PKIG: variants seen among roughly 807,000 people sequenced by gnomAD.
PKIG encodes the protein protein kinase (cAMP-dependent, catalytic) inhibitor gamma.
Under a neutral mutation model 6.8 loss-of-function variants are expected in PKIG, and 1 was observed. That is an observed-to-expected ratio of 0.15 (90% CI 0.05 to 0.69). PKIG has a LOEUF of 0.69. PKIG is among the 30% of genes least tolerant of loss of function. The pLI is 0.82. For missense variants in PKIG, 77 were observed against 104.0 expected (o/e 0.74, Z 1.13); for synonymous variants, 39 against 43.0 (o/e 0.91, Z 0.36).
At chr20:44,613,989 CCT>C (rs1402656987) in intron 2 of PKIG, among the ~76,000 whole-genome samples, 8 of 152,164 alleles carry the variant, frequency 5.3e-5, no homozygotes. Flanking sequence ...ATGCTGTTCC[CCT>C]CTCTGTAGTG....
intron 1 of PKIG, among the ~76,000 whole-genome samples, chr20:44,566,809 G>T (rs1046751121): frequency 6.6e-6 from 1 of 152,132 alleles, no homozygotes; most frequent in African/African-American, 2.4e-5. Flanking sequence ...TTGTACTACT[G>T]TACTTCAGCC....
chr20:44,547,288 T>C (rs752880684), intron 1 of PKIG, among the ~76,000 whole-genome samples: 1 of 152,220 alleles, frequency 6.6e-6, no homozygotes, highest in Non-Finnish European at 1.5e-5. Context: ...ATTTCAAATA[T>C]AAGCAAAAGT....
chr20:44,552,847 T>C (rs550502750), intron 1 of PKIG, among the ~76,000 whole-genome samples: 1 of 152,230 alleles, frequency 6.6e-6, no homozygotes, highest in Admixed American at 6.5e-5. Flanking sequence ...TAATTGTCTT[T>C]AGGGAAATGC....
At chr20:44,552,744 C>T (rs548156142) in intron 1 of PKIG, among the ~76,000 whole-genome samples, 10 of 152,184 alleles carry the variant, frequency 6.6e-5, no homozygotes, top group African/African-American at 2.4e-4. Flanking sequence ...GTTATTGGCA[C>T]GTAGTAGGTG....
chr20:44,600,065 A>G (rs1348551371), intron 2 of PKIG, among the ~76,000 whole-genome samples: 2 of 152,192 alleles, frequency 1.3e-5, no homozygotes, highest in Non-Finnish European at 2.9e-5. Context: ...GAATCCATTT[A>G]TCCACTTAGG....
intron 1 of PKIG, among the ~76,000 whole-genome samples, 187 bp from the exon 2 acceptor site, chr20:44,589,610 A>G (rs567448622): frequency 2.0e-5 from 3 of 152,332 alleles, no homozygotes; most frequent in South Asian, 4.1e-4. Flanking sequence ...TTAGGTAAAT[A>G]TATCTGTAGT....
At chr20:44,565,685 T>C (rs1042188831) in intron 1 of PKIG, among the ~76,000 whole-genome samples, 4 of 152,336 alleles carry the variant, frequency 2.6e-5, no homozygotes, top group African/African-American at 4.8e-5. Flanking sequence ...TGCCCTTCAT[T>C]GGTCTATAGC....
chr20:44,611,246 G>C (rs2065216185), intron 2 of PKIG, among the ~76,000 whole-genome samples: 1 of 151,974 alleles, frequency 6.6e-6, no homozygotes, highest in East Asian at 1.9e-4. Context: ...TAGAGGCGAC[G>C]TTTCACGATG....
At chr20:44,532,035 AC>A (rs1434247497) in intron 1 of PKIG, 1 of 152,168 alleles carries the variant, frequency 6.6e-6, no homozygotes, top group Non-Finnish European at 1.5e-5. Context: ...TGGCGTCGAC[AC>A]GTCGCAGGGG....
At chr20:44,598,593 C>A (rs2065094112) in intron 2 of PKIG, 1 of 152,296 alleles carries the variant, frequency 6.6e-6, no homozygotes, top group Middle Eastern at 3.4e-3. Context: ...TCTCACTTTC[C>A]CTTCCTTCCT....
chr20:44,617,313 GT>G (rs1188249966), intron 3 of PKIG, among the ~76,000 whole-genome samples: 1 of 152,126 alleles, frequency 6.6e-6, no homozygotes, highest in African/African-American at 2.4e-5. Context: ...TGTCACTGGG[GT>G]TTAAGAATGT....
chr20:44,562,796 C>T (rs539157198), intron 1 of PKIG, among the ~76,000 whole-genome samples: 8 of 152,144 alleles, frequency 5.3e-5, no homozygotes, highest in South Asian at 4.2e-4. Context: ...TGGTGGCTCA[C>T]GCCTGTAATC....
chr20:44,578,907 C>T (rs183929449), upstream of PKIG, among the ~76,000 whole-genome samples: 1 of 152,200 alleles, frequency 6.6e-6, no homozygotes, highest in East Asian at 1.9e-4. Context: ...CACGGTGGCT[C>T]ACACCTGTAA....
intron 2 of PKIG, among the ~76,000 whole-genome samples, chr20:44,593,187 G>A (rs1600882090): frequency 6.6e-6 from 1 of 151,798 alleles, no homozygotes; most frequent in Non-Finnish European, 1.5e-5. Flanking sequence ...AAAAGTAGCT[G>A]GGCATGGTGG....
chr20:44,546,560 C>CTTTTTTTTTTTTTTT (rs59060487), intron 1 of PKIG, among the ~76,000 whole-genome samples: 1 of 141,840 alleles, frequency 7.1e-6, no homozygotes, highest in Non-Finnish European at 1.5e-5. Context: ...TTTTTGAGTT[C>CTTTTTTTTTTTTTTT]TTTTTTTTTT....
chr20:44,536,719 C>G (rs896265836), intron 1 of PKIG, among the ~76,000 whole-genome samples: 2 of 152,220 alleles, frequency 1.3e-5, no homozygotes, highest in African/African-American at 2.4e-5. Context: ...CTGATTTGCA[C>G]ATAGAGAGAT....
At chr20:44,555,105 ATGT>A (rs1204447776) in intron 1 of PKIG, among the ~76,000 whole-genome samples, 1 of 152,126 alleles carries the variant, frequency 6.6e-6, no homozygotes, top group Non-Finnish European at 1.5e-5. Context: ...ATTTTTGTTG[ATGT>A]TGTCATTATT....
At chr20:44,562,493 T>C (rs1272320540) in intron 1 of PKIG, among the ~76,000 whole-genome samples, 2 of 149,624 alleles carry the variant, frequency 1.3e-5, no homozygotes, top group African/African-American at 2.5e-5. Context: ...TCCCAGCCAC[T>C]CAGGATGCTG....
intron 1 of PKIG, among the ~76,000 whole-genome samples, chr20:44,587,478 C>T (rs2064999663): frequency 6.6e-6 from 1 of 152,174 alleles, no homozygotes; most frequent in Non-Finnish European, 1.5e-5. Flanking sequence ...GTATGGGCCC[C>T]ACCTGAGAGG....
Sources: allele counts gnomAD v4.1 joint callset (sites outside exome capture counted in the v4.1 genomes callset), GRCh38; gene constraint gnomAD v4.1.1; transcripts MANE v1.5; gene names NCBI Gene and HGNC (gene_info 2026-07-23, HGNC 2026-07-21).